HK1: variants seen among roughly 807,000 people sequenced by gnomAD.
HK1 encodes hexokinase 1, also known as hexokinase-1.
A neutral mutation model predicts 91.6 loss-of-function variants in HK1; 28 were observed. That is an observed-to-expected ratio of 0.31 (90% CI 0.23 to 0.42). HK1 has a LOEUF of 0.42. Among genes scored for constraint, HK1 ranks in the 10% least tolerant of loss-of-function variants. HK1 has a pLI of 1.00. For synonymous variants in HK1, 430 were observed against 468.1 expected (o/e 0.92, Z 1.05); for missense variants, 770 against 1,219.8 (o/e 0.63, Z 5.49).
At chr10:69,310,048 C>T (rs58933804) in intron 5 of HK1, among the ~76,000 whole-genome samples, 24 of 136,994 alleles carry the variant, frequency 1.8e-4, no homozygotes, top group Non-Finnish European at 3.0e-4. Context: ...GAAACTCCAT[C>T]TCATAAAAAA....
intron 1 of HK1, among the ~76,000 whole-genome samples, chr10:69,329,366 T>C (rs918859305): frequency 6.6e-6 from 1 of 152,178 alleles, no homozygotes; most frequent in African/African-American, 2.4e-5. Context: ...TTTCACCATG[T>C]TGGCCAGGAT....
intron 2 of HK1, among the ~76,000 whole-genome samples, chr10:69,354,087 G>A (rs1849015627): frequency 6.6e-6 from 1 of 152,170 alleles, no homozygotes; most frequent in Admixed American, 6.5e-5. Context: ...GGTGTTCACT[G>A]GAGAATTCAC....
rs142710265 is a variant in HK1, at chr10:69,382,568, C to T, written c.1347C>T (p.Ser449=). The T allele has an allele frequency of 5.8e-5, 93 of 1,614,142 alleles. No homozygotes were observed. In the East Asian group the frequency reaches 1.1e-3, roughly 19 times the overall value. The change falls in exon 10 of 18, where the codon AGC becomes AGT. Residue 449 remains serine (S), a synonymous_variant. Transcript: ENST00000359426. The stretch of plus-strand genomic sequence containing the variant: ...GCTTCCTCCTCTCGGAGAGTGGCAG[C>T]GGCAAGGGGGCTGCCATGGTGACGG... ...DVRFLLSESG[S]GKGAAMVTAV...
intron 1 of HK1, among the ~76,000 whole-genome samples, chr10:69,325,398 C>T (rs964929502): frequency 1.3e-5 from 2 of 151,730 alleles, no homozygotes; most frequent in Non-Finnish European, 2.9e-5. Flanking sequence ...TGCTCTGTTG[C>T]CCAGGCTGGA....
intron 1 of HK1, among the ~76,000 whole-genome samples, chr10:69,274,879 A>G (rs1237595324): frequency 1.3e-5 from 2 of 152,078 alleles, no homozygotes; most frequent in African/African-American, 4.8e-5. Flanking sequence ...CTCTCTGAGT[A>G]GTCTTGCCTC....
In HK1 at chr10:69,389,365, T is replaced by TGGCCCAGCAGCTTGGTCCTC. The variant is rs1330312408; in HGVS notation, c.2035+70_2035+89dup. On this transcript the variant is annotated intron_variant, in intron 14 of 17. Coordinates refer to ENST00000359426, the MANE Select transcript of HK1 (RefSeq NM_000188.3). ...GGGGTTTCCCCGTTTTGTGGGGCCT[T>TGGCCCAGCAGCTTGGTCCTC]GGCCCAGCAGCTTGGTCCTCTGTAT... The TGGCCCAGCAGCTTGGTCCTC allele has an allele frequency of 4.4e-6, 5 of 1,133,172 alleles. No individual in the cohort carries two copies. The South Asian group carries it at 6.6e-5, about 15-fold the overall frequency. 70.2% of individuals were successfully genotyped at this position (1,133,172 alleles called of 1,614,324 possible).
intron 2 of HK1, among the ~76,000 whole-genome samples, chr10:69,349,905 A>G (rs963167920): frequency 3.3e-5 from 5 of 152,240 alleles, no homozygotes; most frequent in African/African-American, 4.8e-5. Flanking sequence ...CTAGTTTCCT[A>G]TAACTGGGAA....
rs58690152 is a variant in HK1, at chr10:69,326,135, C to CT, written c.63+7138dup. Among the ~76,000 whole-genome samples, 1,050 of 139,028 alleles carry CT rather than the reference C, an allele frequency of 7.6e-3. 9 individuals carry two copies. Among genetic ancestry groups the CT allele is most frequent in the African/African-American group, 0.021 (781 of 38,056 alleles). The allele number at this position is 139,028 out of a possible 152,430, so 91.2% of individuals were successfully genotyped here. A position where few individuals can be genotyped will look rare whatever the true frequency, so the allele number is the denominator to read the frequency against. ...AGACGTGAGCCACCGCGCCTGGCCG[C>CT]TTTTTTTTTTTTTAATGGCTTTTTG... On this transcript the variant is annotated intron_variant, in intron 1 of 17. Coordinates refer to ENST00000359426, the MANE Select transcript of HK1 (RefSeq NM_000188.3).
At position 69,401,558 on chromosome 10, in the gene HK1, C is replaced by T. The variant is rs1028500241; in HGVS notation, c.*423C>T. 10 of 348,614 alleles carry T rather than the reference C, an allele frequency of 2.9e-5. No homozygotes were observed. The highest frequency in any genetic ancestry group is 8.5e-5 in the Admixed American group (2 of 23,548). 21.6% of individuals were successfully genotyped at this position (348,614 alleles called of 1,614,324 possible). A position where few individuals can be genotyped will look rare whatever the true frequency, so the allele number is the denominator to read the frequency against. ...ATGTATTATCACCAGCAGACACTGC[C>T]GGGCCTCCCTCCCGGGGGCACTGCC... On this transcript the variant is annotated 3_prime_UTR_variant, in exon 18 of 18. Transcript: ENST00000359426.
At chr10:69,376,207 G>A (rs933974186) in intron 7 of HK1, among the ~76,000 whole-genome samples, 1 of 152,166 alleles carries the variant, frequency 6.6e-6, no homozygotes, top group South Asian at 2.1e-4. Flanking sequence ...CTATCCACAG[G>A]GCTTGGGGTC....
chr10:69,275,794 A>C (rs1018014173), intron 1 of HK1, among the ~76,000 whole-genome samples: 1 of 152,110 alleles, frequency 6.6e-6, no homozygotes, highest in Non-Finnish European at 1.5e-5. Context: ...TGCACTTAAA[A>C]TATATTCTGT....
At chr10:69,273,857 T>C (rs1259043880) in intron 1 of HK1, among the ~76,000 whole-genome samples, 1 of 152,230 alleles carries the variant, frequency 6.6e-6, no homozygotes, top group African/African-American at 2.4e-5. Flanking sequence ...TAACTTTTCT[T>C]TTATTTTTCT....
At chr10:69,343,781 G>C (rs1589514750) in intron 1 of HK1, 46 bp from the exon 2 acceptor site, 2 of 1,526,910 alleles carry the variant, frequency 1.3e-6, no homozygotes, top group Non-Finnish European at 1.8e-6. Context: ...ACCTTGCCCT[G>C]TCCTCCCCCT....
chr10:69,354,289 A>G (rs1384804485), intron 2 of HK1, among the ~76,000 whole-genome samples: 1 of 152,202 alleles, frequency 6.6e-6, no homozygotes, highest in Non-Finnish European at 1.5e-5. Flanking sequence ...GTCCGTTTTC[A>G]TACTGTTAAA....
chr10:69,375,606 G>T (rs530777620), intron 7 of HK1, among the ~76,000 whole-genome samples: 5 of 152,322 alleles, frequency 3.3e-5, no homozygotes, highest in African/African-American at 1.2e-4. Flanking sequence ...GGTCTCGGCA[G>T]CATCCTTGGC....
chr10:69,274,484 G>T (rs1027380899), intron 1 of HK1, among the ~76,000 whole-genome samples: 1 of 151,754 alleles, frequency 6.6e-6, no homozygotes, highest in Non-Finnish European at 1.5e-5. Context: ...TGTAATCCCA[G>T]CTAATTGGGA....
In HK1 at chr10:69,333,467, T is replaced by A. The variant is rs115380421; in HGVS notation, c.64-10360T>A. Among the ~76,000 whole-genome samples the A allele has an allele frequency of 4.1e-3, 617 of 152,272 alleles. 6 individuals carry two copies. The highest frequency in any genetic ancestry group is 0.014 in the African/African-American group (581 of 41,562). On this transcript the variant is annotated intron_variant, in intron 1 of 17. Transcript: ENST00000359426. The stretch of plus-strand genomic sequence containing the variant: ...GGCTGTTCTGTTCTCCCCGAGGGAA[T>A]GGGGGCCTGCTTTATTTTTAGCTAG...
chr10:69,400,815 G>C (rs566557972), intron 17 of HK1, among the ~76,000 whole-genome samples, 176 bp from the exon 18 acceptor site: 1 of 152,248 alleles, frequency 6.6e-6, no homozygotes, highest in East Asian at 1.9e-4. Context: ...CCTTGTTGTT[G>C]GGTTCAGAGT....
intron 1 of HK1, among the ~76,000 whole-genome samples, chr10:69,327,996 A>C (rs1466496228): frequency 2.0e-5 from 3 of 152,004 alleles, no homozygotes; most frequent in Non-Finnish European, 4.4e-5. Context: ...CTGTGGGCTG[A>C]CTCCGTTAAG....
Sources: gnomAD v4.1 joint callset for allele counts (sites outside exome capture counted in the v4.1 genomes callset) on GRCh38, gnomAD v4.1.1 for gene constraint, MANE v1.5 for transcripts, NCBI Gene and HGNC (gene_info 2026-07-23, HGNC 2026-07-21) for gene names.